The following SAMD5 variants were observed in gnomAD, a reference collection of about 807,000 sequenced individuals.
The protein encoded by SAMD5 is sterile alpha motif domain-containing protein 5.
SAMD5 carries 13 observed loss-of-function variants against 11.3 expected under a neutral mutation model. The ratio of observed to expected loss-of-function variants is 1.15; its 90% CI spans 0.75 to 1.83. SAMD5 has a LOEUF of 1.83. Ranked by LOEUF, SAMD5 falls within the 40% of genes most tolerant of loss-of-function variation. SAMD5 has a pLI of 0.00. For missense variants in SAMD5, 255 were observed against 239.1 expected (o/e 1.07, Z -0.44); for synonymous variants, 129 against 111.3 (o/e 1.16, Z -1.00).
chr6:147,713,374 G>A (rs998414559), intron 1 of SAMD5, among the ~76,000 whole-genome samples: 4 of 152,170 alleles, frequency 2.6e-5, no homozygotes, highest in Admixed American at 6.5e-5. Context: ...TTGGTTTGCC[G>A]AGTCGAGTGC....
chr6:147,634,832 G>C (rs1182721197), intron 1 of SAMD5, among the ~76,000 whole-genome samples: 1 of 152,166 alleles, frequency 6.6e-6, no homozygotes, highest in South Asian at 2.1e-4. Context: ...AGGTTGTTTA[G>C]GGAAGAGAGG....
chr6:147,573,428 A>G (rs939180205), downstream of SAMD5, among the ~76,000 whole-genome samples: 73 of 152,150 alleles, frequency 4.8e-4, 1 homozygote, highest in African/African-American at 1.6e-3. Flanking sequence ...GTGAGAACTA[A>G]CTCACTATAA....
chr6:147,530,748 G>A (rs1290399190), intron 1 of SAMD5, among the ~76,000 whole-genome samples: 1 of 152,234 alleles, frequency 6.6e-6, no homozygotes, highest in Non-Finnish European at 1.5e-5. Context: ...GTGGAGTTGA[G>A]GAATTGCGGG....
At chr6:147,617,724 T>C (rs1789893774) in intron 1 of SAMD5, among the ~76,000 whole-genome samples, 1 of 152,210 alleles carries the variant, frequency 6.6e-6, no homozygotes, top group African/African-American at 2.4e-5. Context: ...CGCACAGGGC[T>C]AGGGCTAGGA....
chr6:147,929,974 A>G, the SAMD5 span, among the ~76,000 whole-genome samples: 3 of 152,182 alleles, frequency 2.0e-5, no homozygotes, highest in African/African-American at 4.8e-5. Context: ...CCTTTATTGT[A>G]TGGCACTCTC....
At chr6:147,665,197 T>C (rs1174861269) in intron 1 of SAMD5, among the ~76,000 whole-genome samples, 1 of 152,256 alleles carries the variant, frequency 6.6e-6, no homozygotes, top group Non-Finnish European at 1.5e-5. Context: ...GTAGTTCATA[T>C]GATTCTACAG....
At chr6:147,819,020 A>G in the SAMD5 span, among the ~76,000 whole-genome samples, 36 of 152,354 alleles carry the variant, frequency 2.4e-4, no homozygotes, top group African/African-American at 8.4e-4. Context: ...ATAAAGACAC[A>G]TGCATGCATA....
At chr6:147,904,431 G>C in the SAMD5 span, among the ~76,000 whole-genome samples, 1 of 152,212 alleles carries the variant, frequency 6.6e-6, no homozygotes, top group African/African-American at 2.4e-5. Flanking sequence ...CTGGGTCTCT[G>C]ACGAACTTCA....
the SAMD5 span, among the ~76,000 whole-genome samples, chr6:147,926,232 C>T: frequency 6.6e-6 from 1 of 152,130 alleles, no homozygotes; most frequent in East Asian, 1.9e-4. Flanking sequence ...CAAGTGGTAG[C>T]TCTGTTTTTA....
rs980913687 is a variant in SAMD5 at position 147,565,077 on chromosome 6, A to G, written c.*621A>G. 1.0e-6 allele frequency: 1 copy of G among 983,654 alleles called. No homozygotes were observed. 60.9% of individuals were successfully genotyped at this position (983,654 alleles called of 1,614,324 possible). A position where few individuals can be genotyped will look rare whatever the true frequency, so the allele number is the denominator to read the frequency against. The stretch of plus-strand genomic sequence containing the variant: ...GGTGATGAATTAAGGAACATCACCA[A>G]GAGAGGACAATTTCTTCTAACTTCT... On this transcript the variant is annotated 3_prime_UTR_variant, in exon 2 of 2. Transcript: ENST00000367474.
the SAMD5 span, among the ~76,000 whole-genome samples, chr6:147,749,780 T>C: frequency 1.4e-4 from 22 of 152,082 alleles, no homozygotes; most frequent in African/African-American, 5.3e-4. Flanking sequence ...GTGAAGAAAA[T>C]TGTAACCTCC....
chr6:147,912,326 A>T, the SAMD5 span, among the ~76,000 whole-genome samples: 1 of 152,178 alleles, frequency 6.6e-6, no homozygotes, highest in Non-Finnish European at 1.5e-5. Context: ...TAACATATGA[A>T]TCATTTAAAA....
At chr6:147,674,887 C>A (rs1038324757) in intron 1 of SAMD5, among the ~76,000 whole-genome samples, 5 of 152,152 alleles carry the variant, frequency 3.3e-5, no homozygotes, top group African/African-American at 4.8e-5. Flanking sequence ...TTTCTTCCAC[C>A]ACCACACCTG....
chr6:147,779,891 T>C, the SAMD5 span, among the ~76,000 whole-genome samples: 1 of 152,196 alleles, frequency 6.6e-6, no homozygotes, highest in African/African-American at 2.4e-5. Flanking sequence ...CCTGCTTCCA[T>C]AGAGTAGGCC....
the SAMD5 span, among the ~76,000 whole-genome samples, chr6:147,779,776 G>A: frequency 6.6e-6 from 1 of 152,208 alleles, no homozygotes; most frequent in Non-Finnish European, 1.5e-5. Flanking sequence ...TCAAGGTCTG[G>A]CATTTGCCAG....
chr6:147,615,378 A>T (rs1294087179), intron 1 of SAMD5, among the ~76,000 whole-genome samples: 1 of 152,224 alleles, frequency 6.6e-6, no homozygotes, highest in African/African-American at 2.4e-5. Flanking sequence ...AATAAATTAT[A>T]GTTCTGAATT....
chr6:147,706,999 AGAC>A (rs1445621754), intron 1 of SAMD5, among the ~76,000 whole-genome samples: 1 of 152,222 alleles, frequency 6.6e-6, no homozygotes, highest in African/African-American at 2.4e-5. Context: ...GTGTAAATAC[AGAC>A]TAACACTTGG....
Position 147,626,791 on chromosome 6 carries a change from GAAAAAAAAA to G in SAMD5, c.163-110508_163-110500del, listed in dbSNP as rs529975933. 8.4e-3 allele frequency among the ~76,000 whole-genome samples: 458 copies of G among 54,736 alleles called. 3 individuals carry two copies. Among genetic ancestry groups the G allele is most frequent in the African/African-American group, 0.022 (413 of 18,664 alleles). The allele number at this position is 54,736 out of a possible 152,430, so 35.9% of individuals were successfully genotyped here. ...CAACATAACGAGACACTGTTTCTAT[GAAAAAAAAA>G]AAAAAAAAAAAAAAAAAGAAAGAAA... On this transcript the variant is annotated intron_variant, in intron 1 of 1. Coordinates refer to the SAMD5 transcript ENST00000566741.
At chr6:147,816,301 A>AAAAAAAAAAAAAAAT in the SAMD5 span, among the ~76,000 whole-genome samples, 12 of 66,356 alleles carry the variant, frequency 1.8e-4, no homozygotes, top group South Asian at 9.6e-4. Flanking sequence ...AAAAAAAAAA[A>AAAAAAAAAAAAAAAT]ATATATATAT....
Sources: gnomAD v4.1 joint callset for allele counts (sites outside exome capture counted in the v4.1 genomes callset) on GRCh38, gnomAD v4.1.1 for gene constraint, MANE v1.5 for transcripts, NCBI Gene and HGNC (gene_info 2026-07-23, HGNC 2026-07-21) for gene names.